Variants in DIAPH3 observed in about 807,000 individuals in gnomAD.
The protein encoded by DIAPH3 is diaphanous related formin 3, also known as protein diaphanous homolog 3.
A neutral mutation model predicts 144.3 loss-of-function variants in DIAPH3; 117 were observed. That is an observed-to-expected ratio of 0.81 (90% CI 0.70 to 0.95). DIAPH3 has a LOEUF of 0.95. Among genes scored for constraint, DIAPH3 ranks in the 40% least tolerant of loss-of-function variants. The probability of loss-of-function intolerance (pLI) is 0.00; values close to 1 mark genes in which losing one functional copy is unlikely to be tolerated. For missense variants in DIAPH3, 1,421 were observed against 1,412.7 expected, an observed-to-expected ratio of 1.01 and a Z score of -0.09; for synonymous variants, 519 against 488.9, an observed-to-expected ratio of 1.06 and a Z score of -0.81.
intron 27 of DIAPH3, among the ~76,000 whole-genome samples, chr13:59,752,514 C>T (rs1243611472): frequency 6.6e-6 from 1 of 151,904 alleles, no homozygotes; most frequent in Non-Finnish European, 1.5e-5. Flanking sequence ...ACTACAGGTG[C>T]ACACCAGCAC....
At chr13:60,162,781 G>GTA (rs1325348970) in intron 1 of DIAPH3, among the ~76,000 whole-genome samples, 1 of 134,898 alleles carries the variant, frequency 7.4e-6, no homozygotes, top group African/African-American at 2.7e-5. Context: ...GGCAAATGCT[G>GTA]TACTCTCTCT....
chr13:60,091,195 C>T (rs1010784457), intron 4 of DIAPH3, among the ~76,000 whole-genome samples: 3 of 152,198 alleles, frequency 2.0e-5, no homozygotes, highest in East Asian at 1.9e-4. Context: ...ACTATCTACA[C>T]TCACCAGTCT....
rs59987412 is a variant in DIAPH3 at position 59,729,810 on chromosome 13, A to ATTTTTTTTTTTTTTTT, written c.3319+44363_3319+44378dup. 3.1e-4 allele frequency among the ~76,000 whole-genome samples: 42 copies of ATTTTTTTTTTTTTTTT among 134,230 alleles called. 2 individuals carry two copies. The highest frequency in any genetic ancestry group is 1.3e-3 in the African/African-American group (41 of 32,622). The allele number at this position is 134,230 out of a possible 152,430, so 88.1% of individuals were successfully genotyped here. Reference sequence around the variant, plus strand: ...TGTGACTTCCGGTGAATACATTAATATTTTTTTTTTTTTTTTTTTGAGATA... The same window carrying ATTTTTTTTTTTTTTTT: ...TGTGACTTCCGGTGAATACATTAATATTTTTTTTTTTTTTTTTTTTTTTTTTTTTTTTTTTGAGATA... On this transcript the variant is annotated intron_variant, in intron 27 of 27. Transcript: ENST00000400324.
intron 4 of DIAPH3, among the ~76,000 whole-genome samples, chr13:60,052,083 G>C (rs996659855): frequency 1.3e-5 from 2 of 152,258 alleles, no homozygotes; most frequent in Admixed American, 1.3e-4. Flanking sequence ...GTTTAACCAA[G>C]GGCAGGGTTT....
intron 27 of DIAPH3, among the ~76,000 whole-genome samples, chr13:59,726,047 T>A (rs1174013209): frequency 6.6e-6 from 1 of 152,216 alleles, no homozygotes; most frequent in African/African-American, 2.4e-5. Context: ...ATAGCTGCCA[T>A]ATTTAACAGA....
At chr13:59,674,475 C>T (rs1003139097) in intron 27 of DIAPH3, among the ~76,000 whole-genome samples, 1 of 152,182 alleles carries the variant, frequency 6.6e-6, no homozygotes, top group Non-Finnish European at 1.5e-5. Flanking sequence ...TTTAAACCTT[C>T]TTTGGTAATT....
At chr13:59,900,779 C>A (rs1457039728) in intron 20 of DIAPH3, among the ~76,000 whole-genome samples, 4 of 152,130 alleles carry the variant, frequency 2.6e-5, no homozygotes, top group Non-Finnish European at 4.4e-5. Flanking sequence ...CAGCTTATAC[C>A]CCCAAATGCA....
intron 5 of DIAPH3, chr13:60,034,614 G>C (rs1373054592): frequency 6.6e-6 from 1 of 152,164 alleles, no homozygotes; most frequent in Non-Finnish European, 1.5e-5. Context: ...GATCTGCCGT[G>C]CTCAGGAGGT....
chr13:59,855,239 T>A (rs1345983402), intron 22 of DIAPH3, among the ~76,000 whole-genome samples: 1 of 152,168 alleles, frequency 6.6e-6, no homozygotes, highest in Non-Finnish European at 1.5e-5. Flanking sequence ...TTTAAATATG[T>A]GGTCTCTTAC....
intron 4 of DIAPH3, among the ~76,000 whole-genome samples, chr13:60,058,347 A>G (rs536668535): frequency 6.6e-6 from 1 of 152,064 alleles, no homozygotes; most frequent in Non-Finnish European, 1.5e-5. Flanking sequence ...GAGATACTGC[A>G]TTACTCAGCT....
intron 24 of DIAPH3, among the ~76,000 whole-genome samples, chr13:59,827,415 A>G (rs2041502474): frequency 6.6e-6 from 1 of 152,080 alleles, no homozygotes; most frequent in Non-Finnish European, 1.5e-5. Context: ...TTGGTAGAAA[A>G]ATTATTTTGA....
chr13:59,706,558 A>G (rs1411229189), intron 27 of DIAPH3, among the ~76,000 whole-genome samples: 1 of 152,226 alleles, frequency 6.6e-6, no homozygotes, highest in East Asian at 1.9e-4. Flanking sequence ...ACTCTAATAT[A>G]TTGCTTAATG....
At chr13:59,957,894 G>C (rs1011579837) in intron 17 of DIAPH3, among the ~76,000 whole-genome samples, 1 of 152,074 alleles carries the variant, frequency 6.6e-6, no homozygotes. Flanking sequence ...GAAACAGAAA[G>C]CCAAACTGTC....
rs147742995 is a variant in DIAPH3, at chr13:59,675,471, G to A, written c.3320-8625C>T. 4.3e-3 allele frequency among the ~76,000 whole-genome samples: 645 copies of A among 150,082 alleles called. 6 individuals are homozygous for A. The highest frequency in any genetic ancestry group is 0.014 in the African/African-American group (581 of 40,702). On this transcript the variant is annotated intron_variant, in intron 27 of 27. Transcript: ENST00000400324. Reference sequence around the variant, plus strand: ...ACGATCTCGGCTCACTGCAAGCTTCGCCTCCCGGGTTCATGCCATTCTCCT... The same window carrying A: ...ACGATCTCGGCTCACTGCAAGCTTCACCTCCCGGGTTCATGCCATTCTCCT...
In DIAPH3 at chr13:59,847,995, T is replaced by C. The variant is rs977095819; in HGVS notation, c.2738-8547A>G. Among the ~76,000 whole-genome samples, 2 of 152,198 alleles carry C rather than the reference T, an allele frequency of 1.3e-5. 1 individual carries two copies. The highest frequency in any genetic ancestry group is 2.9e-5 in the Non-Finnish European group (2 of 68,032). Reference sequence around the variant, plus strand: ...GCAGTAAATCATTAGTTTTTATAACTCTTTTCTCTTTCATGCCGCACACAT... The same window carrying C: ...GCAGTAAATCATTAGTTTTTATAACCCTTTTCTCTTTCATGCCGCACACAT... On this transcript the variant is annotated intron_variant, in intron 22 of 27. Transcript: ENST00000400324.
At chr13:59,716,847 A>T (rs548919044) in intron 27 of DIAPH3, among the ~76,000 whole-genome samples, 23 of 152,196 alleles carry the variant, frequency 1.5e-4, no homozygotes, top group Non-Finnish European at 2.4e-4. Flanking sequence ...TTTAAATGAG[A>T]TTATCTATCA....
intron 27 of DIAPH3, among the ~76,000 whole-genome samples, chr13:59,706,664 G>T (rs66736591): frequency 0.11 from 16,436 of 152,010 alleles, 1,301 homozygotes; most frequent in African/African-American, 0.21. Context: ...CCATACATAA[G>T]CTACCACTTT....
intron 22 of DIAPH3, among the ~76,000 whole-genome samples, chr13:59,841,108 A>G (rs1220695931): frequency 2.6e-5 from 4 of 152,086 alleles, no homozygotes; most frequent in African/African-American, 9.6e-5. Flanking sequence ...CCCGTTTCCA[A>G]CTTTTTTCTT....
rs1020720170 is a variant in DIAPH3, at chr13:59,774,975, ACTCT to A, written c.3164-156_3164-153del. The A allele has an allele frequency of 1.2e-5, 8 of 683,996 alleles. No homozygotes were observed. The African/African-American group carries it at 1.4e-4, about 12-fold the overall frequency. 42.4% of individuals were successfully genotyped at this position (683,996 alleles called of 1,614,324 possible). On this transcript the variant is annotated intron_variant, in intron 25 of 27. Transcript: ENST00000400324. ...AATTTCAAAATAGGACAGGACTTTA[ACTCT>A]CTCATTAAATCAACTATCTTTTAAT...
Sources: gnomAD v4.1 joint callset for allele counts (sites outside exome capture counted in the v4.1 genomes callset) on GRCh38, gnomAD v4.1.1 for gene constraint, MANE v1.5 for transcripts, NCBI Gene and HGNC (gene_info 2026-07-23, HGNC 2026-07-21) for gene names.